Variants in CEP85L observed in about 807,000 individuals in gnomAD.
CEP85L encodes centrosomal protein 85L, also known as centrosomal protein of 85 kDa-like.
CEP85L carries 60 observed loss-of-function variants against 100.3 expected under a neutral mutation model. That is an observed-to-expected ratio of 0.60 (90% CI 0.49 to 0.74). The LOEUF (loss-of-function observed/expected upper bound fraction) is 0.74. CEP85L is among the 30% of genes least tolerant of loss of function. The pLI, the probability that CEP85L is intolerant of heterozygous loss-of-function variation, is 0.00. For synonymous variants in CEP85L, 319 were observed against 322.7 expected, an observed-to-expected ratio of 0.99 and a Z score of 0.12; for missense variants, 973 against 936.2, an observed-to-expected ratio of 1.04 and a Z score of -0.51.
chr6:118,595,050 T>C (rs1348685516), intron 2 of CEP85L, among the ~76,000 whole-genome samples: 2 of 152,100 alleles, frequency 1.3e-5, no homozygotes, highest in Non-Finnish European at 2.9e-5. Flanking sequence ...ATACTCCCAG[T>C]TTCCTCTTAC....
chr6:118,515,490 G>A (rs968873528), intron 4 of CEP85L, among the ~76,000 whole-genome samples: 1 of 152,106 alleles, frequency 6.6e-6, no homozygotes, highest in Non-Finnish European at 1.5e-5. Context: ...ATGATCTTCT[G>A]AGCCATGAAA....
intron 3 of CEP85L, among the ~76,000 whole-genome samples, chr6:118,527,092 G>C (rs761163578): frequency 7.5e-6 from 1 of 133,486 alleles, no homozygotes; most frequent in Non-Finnish European, 1.5e-5. Context: ...AGAGCTCACC[G>C]CAACCTCTGC....
At chr6:118,564,303 T>C (rs781288530) in intron 3 of CEP85L, among the ~76,000 whole-genome samples, 2 of 152,222 alleles carry the variant, frequency 1.3e-5, no homozygotes, top group Non-Finnish European at 1.5e-5. Flanking sequence ...TCCAATTCTG[T>C]GTAAAGACAC....
intron 2 of CEP85L, among the ~76,000 whole-genome samples, chr6:118,614,599 T>G (rs1467112627): frequency 1.3e-5 from 2 of 152,104 alleles, no homozygotes; most frequent in African/African-American, 4.8e-5. Context: ...ATCCCAGCAC[T>G]TTGGGAGGCT....
At chr6:118,641,023 T>C (rs1237395274) in intron 1 of CEP85L, among the ~76,000 whole-genome samples, 1 of 152,212 alleles carries the variant, frequency 6.6e-6, no homozygotes, top group African/African-American at 2.4e-5. Flanking sequence ...GTCAACATTT[T>C]ACTGAGCATG....
intron 2 of CEP85L, among the ~76,000 whole-genome samples, chr6:118,582,057 G>C (rs113306825): frequency 6.6e-6 from 1 of 152,184 alleles, no homozygotes; most frequent in African/African-American, 2.4e-5. Flanking sequence ...ACAGGGAATC[G>C]TTCCCCAGAG....
At chr6:118,709,034 T>C (rs936394741) in intron 1 of CEP85L, among the ~76,000 whole-genome samples, 3 of 151,196 alleles carry the variant, frequency 2.0e-5, no homozygotes, top group Non-Finnish European at 3.0e-5. Flanking sequence ...TAATATAGAA[T>C]AGCCCCGATT....
At chr6:118,490,621 C>T (rs1774491498) in intron 6 of CEP85L, among the ~76,000 whole-genome samples, 1 of 152,098 alleles carries the variant, frequency 6.6e-6, no homozygotes, top group African/African-American at 2.4e-5. Flanking sequence ...TGAAGACACA[C>T]ATAGACAAAA....
intron 2 of CEP85L, among the ~76,000 whole-genome samples, chr6:118,630,089 T>C (rs1342776438): frequency 1.3e-5 from 2 of 152,202 alleles, no homozygotes; most frequent in Non-Finnish European, 2.9e-5. Context: ...ATTTCACCTT[T>C]TACATATAGA....
intron 3 of CEP85L, among the ~76,000 whole-genome samples, chr6:118,526,445 C>A (rs921145881): frequency 6.6e-6 from 1 of 152,158 alleles, no homozygotes. Context: ...AAGTCAGTCC[C>A]GCAAAATCTT....
chr6:118,625,165 T>C (rs997550347), intron 2 of CEP85L, among the ~76,000 whole-genome samples: 4 of 152,226 alleles, frequency 2.6e-5, no homozygotes, highest in African/African-American at 4.8e-5. Flanking sequence ...TGACTCCCAA[T>C]AGAAACATCT....
At chr6:118,508,511 C>T (rs1459122871) in intron 5 of CEP85L, among the ~76,000 whole-genome samples, 2 of 152,150 alleles carry the variant, frequency 1.3e-5, no homozygotes, top group African/African-American at 4.8e-5. Flanking sequence ...TACCAATCTA[C>T]CATTAGAACT....
In CEP85L at chr6:118,566,034, C is replaced by T. The variant is rs1198441242; in HGVS notation, c.515G>A (p.Gly172Asp). 1.2e-6 allele frequency: 2 copies of T among 1,614,058 alleles called. No homozygotes were observed. Among genetic ancestry groups the T allele is most frequent in the African/African-American group, 2.7e-5 (2 of 74,908 alleles). Reference protein sequence around the residue: ...LTAPDNCGQGGTVCREESRNG... With the variant: ...LTAPDNCGQGDTVCREESRNG... Reference sequence around the variant, plus strand: ...CCTTGACTCTTCTCTGCATACAGTGCCACCCTGGCCACAGTTATCCGGGGC... The same window carrying T: ...CCTTGACTCTTCTCTGCATACAGTGTCACCCTGGCCACAGTTATCCGGGGC... The change falls in exon 3 of 13, where the codon GGC (glycine) becomes GAC (aspartate). Residue 172 changes from glycine (G) to aspartate (D), a missense_variant. Physicochemically the swap from Gly to Asp is moderately conservative, Grantham distance 94. This residue lies in a region of CEP85L where 890 missense variants were observed against 844.5 expected (regional missense o/e 1.05). Transcript: ENST00000368491.
intron 4 of CEP85L, among the ~76,000 whole-genome samples, chr6:118,519,476 C>G (rs865832933): frequency 0.022 from 260 of 11,796 alleles, 1 homozygote; most frequent in Non-Finnish European, 0.031. Flanking sequence ...GTGTGTGTGG[C>G]GGGGGGGGGT....
intron 2 of CEP85L, among the ~76,000 whole-genome samples, chr6:118,603,614 T>C (rs996635229): frequency 6.6e-6 from 1 of 152,262 alleles, no homozygotes; most frequent in Non-Finnish European, 1.5e-5. Flanking sequence ...AGAAGTTTTC[T>C]TGACTCTGAA....
At chr6:118,537,619 G>C (rs527832177) in intron 3 of CEP85L, 3 of 985,304 alleles carry the variant, frequency 3.0e-6, no homozygotes, top group Non-Finnish European at 3.6e-6. Flanking sequence ...ATGAGATCCG[G>C]ATACTATGAA....
chr6:118,525,232 A>G (rs1395668761), intron 3 of CEP85L, among the ~76,000 whole-genome samples: 1 of 152,212 alleles, frequency 6.6e-6, no homozygotes, highest in Non-Finnish European at 1.5e-5. Context: ...GAATGTAAGA[A>G]AGGTTTCAGA....
intron 5 of CEP85L, among the ~76,000 whole-genome samples, chr6:118,508,777 C>G: frequency 6.6e-6 from 1 of 151,852 alleles, no homozygotes; most frequent in East Asian, 1.9e-4. Context: ...TTTTCTTTGT[C>G]TAGTGTCTAT....
intron 3 of CEP85L, among the ~76,000 whole-genome samples, chr6:118,527,457 T>C (rs2114807252): frequency 6.6e-6 from 1 of 152,190 alleles, no homozygotes; most frequent in Admixed American, 6.5e-5. Flanking sequence ...CCAAATTTCA[T>C]CATAAGGACT....
Sources: gnomAD v4.1 joint callset for allele counts (sites outside exome capture counted in the v4.1 genomes callset) on GRCh38, gnomAD v4.1.1 for gene constraint, gnomAD v4.1.1 regional missense constraint, MANE v1.5 for transcripts, NCBI Gene and HGNC (gene_info 2026-07-23, HGNC 2026-07-21) for gene names.